Variants in OLFM3 observed in about 807,000 individuals in gnomAD.
OLFM3 encodes the protein olfactomedin 3, also known as noelin-3.
OLFM3 carries 20 observed loss-of-function variants against 48.6 expected under a neutral mutation model. That is an observed-to-expected ratio of 0.41 (90% CI 0.29 to 0.60). OLFM3 has a LOEUF of 0.60. Among genes scored for constraint, OLFM3 ranks in the 20% least tolerant of loss-of-function variants. The pLI, the probability that OLFM3 is intolerant of heterozygous loss-of-function variation, is 0.28. For missense variants in OLFM3, 437 were observed against 544.3 expected, an observed-to-expected ratio of 0.80 and a Z score of 1.96; for synonymous variants, 222 against 198.1, an observed-to-expected ratio of 1.12 and a Z score of -1.01.
intron 4 of OLFM3, among the ~76,000 whole-genome samples, chr1:101,822,013 A>C (rs1191252921): frequency 1.3e-5 from 2 of 152,156 alleles, no homozygotes; most frequent in Non-Finnish European, 2.9e-5. Flanking sequence ...ATCAAGTCCT[A>C]AGCATAAGGA....
intron 1 of OLFM3, among the ~76,000 whole-genome samples, chr1:101,962,173 G>A (rs1237681046): frequency 2.0e-5 from 3 of 152,204 alleles, no homozygotes; most frequent in East Asian, 3.9e-4. Context: ...GTAAAAAGAA[G>A]GGGTGATGGA....
rs74536484 is a variant in OLFM3, at chr1:101,991,931, G to A, written c.69+4817C>T. 6.2e-3 allele frequency among the ~76,000 whole-genome samples: 944 copies of A among 151,974 alleles called. 8 individuals are homozygous for A. Among genetic ancestry groups the A allele is most frequent in the East Asian group, 0.033 (172 of 5,184 alleles). The stretch of plus-strand genomic sequence containing the variant: ...TGTCCTCAGGTCTCACAAAGTTTAT[G>A]ATATTACTAACTAGACCCTACAAAA... On this transcript the variant is annotated intron_variant, in intron 1 of 5. Coordinates refer to ENST00000370103, the MANE Select transcript of OLFM3 (RefSeq NM_058170.4).
At chr1:101,807,638 T>A (rs1653839183) in intron 4 of OLFM3, among the ~76,000 whole-genome samples, 1 of 151,826 alleles carries the variant, frequency 6.6e-6, no homozygotes, top group South Asian at 2.1e-4. Context: ...AACATTATAT[T>A]TTGCACTACT....
At chr1:101,824,394 T>C (rs1654748255) in intron 4 of OLFM3, among the ~76,000 whole-genome samples, 1 of 152,182 alleles carries the variant, frequency 6.6e-6, no homozygotes, top group African/African-American at 2.4e-5. Context: ...TCAGACCAGA[T>C]TGGACCACAC....
intron 1 of OLFM3, among the ~76,000 whole-genome samples, chr1:101,869,664 A>C (rs1656998290): frequency 6.6e-6 from 1 of 152,120 alleles, no homozygotes. Context: ...CGTCACCCAA[A>C]TCTCACCTTG....
At chr1:101,941,835 T>C (rs1659805096) in intron 1 of OLFM3, among the ~76,000 whole-genome samples, 1 of 152,132 alleles carries the variant, frequency 6.6e-6, no homozygotes, top group African/African-American at 2.4e-5. Flanking sequence ...GTGTAGTAAC[T>C]CCAGGCTGTC....
At position 101,903,850 on chromosome 1, in the gene OLFM3, C is replaced by T. The variant is rs531472012; in HGVS notation, c.70-66825G>A. Among the ~76,000 whole-genome samples the T allele has an allele frequency of 1.1e-3, 165 of 152,080 alleles. 2 individuals are homozygous for T. Among genetic ancestry groups the T allele is most frequent in the African/African-American group, 3.8e-3 (158 of 41,526 alleles). The stretch of plus-strand genomic sequence containing the variant: ...TTTTTTTACCATTATAATACTTATA[C>T]ATGGCAATACATTATTTTTAGTTAT... On this transcript the variant is annotated intron_variant, in intron 1 of 5. Transcript: ENST00000370103.
rs1026928990 is a variant in OLFM3, at chr1:101,943,763, C to T, written c.69+52985G>A. ...TATTTATAGTTCACCTATTATCTAT[C>T]CACATCTCTAATACCATTAAGTGTG... is the stretch of plus-strand genomic sequence containing the variant. On this transcript the variant is annotated intron_variant, in intron 1 of 5. Transcript: ENST00000370103. Among the ~76,000 whole-genome samples, 10 of 152,162 alleles carry T rather than the reference C, an allele frequency of 6.6e-5. No homozygotes were observed. In the East Asian group the frequency reaches 1.7e-3, roughly 26 times the overall value.
intron 1 of OLFM3, among the ~76,000 whole-genome samples, chr1:101,845,227 G>A (rs756299417): frequency 2.0e-5 from 3 of 151,300 alleles, no homozygotes; most frequent in Non-Finnish European, 4.4e-5. Flanking sequence ...AGTAAGAATT[G>A]TCTGTGTCAA....
chr1:101,882,829 G>T (rs1315908382), intron 1 of OLFM3: 1 of 151,892 alleles, frequency 6.6e-6, no homozygotes, highest in African/African-American at 2.4e-5. Context: ...AAATCATCTG[G>T]TGTTTTATGA....
chr1:101,967,885 C>CA (rs1485451796), intron 1 of OLFM3, among the ~76,000 whole-genome samples: 2 of 152,012 alleles, frequency 1.3e-5, no homozygotes, highest in African/African-American at 4.8e-5. Flanking sequence ...TCTTCCGCCC[C>CA]CAGCACCCAC....
intron 1 of OLFM3, among the ~76,000 whole-genome samples, chr1:101,991,564 T>C (rs976710994): frequency 3.9e-5 from 6 of 152,040 alleles, no homozygotes; most frequent in African/African-American, 1.4e-4. Context: ...ACGTTTTATA[T>C]GTAGCCTTCC....
chr1:101,857,517 G>A (rs1243531759), intron 1 of OLFM3, among the ~76,000 whole-genome samples: 1 of 151,846 alleles, frequency 6.6e-6, no homozygotes, highest in African/African-American at 2.4e-5. Flanking sequence ...TGTAACGTGA[G>A]GAGTGTTAAT....
Position 101,827,367 on chromosome 1 carries a change from G to A in OLFM3, c.373-2122C>T, listed in dbSNP as rs564771002. 2.6e-5 allele frequency among the ~76,000 whole-genome samples: 4 copies of A among 151,646 alleles called. No homozygotes were observed. The East Asian group carries it at 5.8e-4, about 22-fold the overall frequency. On this transcript the variant is annotated intron_variant, in intron 3 of 5. Transcript: ENST00000370103. ...GTCTCACTCTGTCACCCAGGCTGGA[G>A]TGCAGTCAGTGGCGCGATCTCGGCT...
chr1:101,807,032 A>G (rs1445231396), intron 4 of OLFM3, among the ~76,000 whole-genome samples: 1 of 151,854 alleles, frequency 6.6e-6, no homozygotes, highest in Non-Finnish European at 1.5e-5. Flanking sequence ...TAAAGTTTTA[A>G]CTGTATTTTA....
intron 1 of OLFM3, among the ~76,000 whole-genome samples, chr1:101,936,901 G>T (rs1479250296): frequency 1.3e-5 from 2 of 152,114 alleles, no homozygotes; most frequent in African/African-American, 4.8e-5. Flanking sequence ...TGGTATAAGT[G>T]TTTAGCCACA....
intron 1 of OLFM3, among the ~76,000 whole-genome samples, chr1:101,844,867 G>T (rs1049901914): frequency 1.3e-5 from 2 of 152,046 alleles, no homozygotes; most frequent in African/African-American, 4.8e-5. Flanking sequence ...TGGCTTGATG[G>T]TTTCTAAGAT....
At chr1:101,893,250 G>T (rs1242383695) in intron 1 of OLFM3, 3 of 274,116 alleles carry the variant, frequency 1.1e-5, no homozygotes, top group African/African-American at 4.7e-5. Flanking sequence ...CAGAGGTGGG[G>T]AAAAAAAAAA....
intron 1 of OLFM3, among the ~76,000 whole-genome samples, chr1:101,948,871 TA>T (rs1349490992): frequency 2.0e-5 from 3 of 147,790 alleles, no homozygotes; most frequent in African/African-American, 7.3e-5. Context: ...TATATTTATA[TA>T]TTTTTTATTG....
Sources: gnomAD v4.1 joint callset for allele counts (sites outside exome capture counted in the v4.1 genomes callset) on GRCh38, gnomAD v4.1.1 for gene constraint, MANE v1.5 for transcripts, NCBI Gene and HGNC (gene_info 2026-07-23, HGNC 2026-07-21) for gene names.